Variants in SLC41A2 observed in about 807,000 individuals in gnomAD.
SLC41A2 encodes the protein SLC41A1-like 1.
SLC41A2 carries 32 observed loss-of-function variants against 58.3 expected under a neutral mutation model. That is an observed-to-expected ratio of 0.55 (90% CI 0.41 to 0.74). The LOEUF (loss-of-function observed/expected upper bound fraction) is 0.74, where lower values mean the gene tolerates loss of function less well. SLC41A2 is among the 30% of genes least tolerant of loss of function. SLC41A2 has a pLI of 0.00. For synonymous variants in SLC41A2, 190 were observed against 235.0 expected (o/e 0.81, Z 1.75); for missense variants, 514 against 680.6 (o/e 0.76, Z 2.72).
intron 1 of SLC41A2, among the ~76,000 whole-genome samples, chr12:104,937,511 T>C (rs1225116937): frequency 6.6e-6 from 1 of 152,238 alleles, no homozygotes; most frequent in Non-Finnish European, 1.5e-5. Flanking sequence ...CGATAGGCCA[T>C]ACCACACAGC....
intron 1 of SLC41A2, among the ~76,000 whole-genome samples, chr12:104,942,248 G>A (rs2047540645): frequency 6.6e-6 from 1 of 152,116 alleles, no homozygotes; most frequent in African/African-American, 2.4e-5. Context: ...GGAGGCCGAG[G>A]CAGGTGGATC....
At chr12:104,826,182 C>A (rs1466116208) in intron 10 of SLC41A2, among the ~76,000 whole-genome samples, 2 of 152,164 alleles carry the variant, frequency 1.3e-5, no homozygotes, top group Non-Finnish European at 2.9e-5. Context: ...TATCCTGAAC[C>A]ATTGGGACTG....
At chr12:104,836,365 C>A (rs1272538252) in intron 10 of SLC41A2, among the ~76,000 whole-genome samples, 1 of 152,112 alleles carries the variant, frequency 6.6e-6, no homozygotes, top group African/African-American at 2.4e-5. Flanking sequence ...AAATACTATA[C>A]AAATATTTGC....
intron 2 of SLC41A2, among the ~76,000 whole-genome samples, chr12:104,918,438 G>A (rs10778358): frequency 0.71 from 107,773 of 151,904 alleles, 38,850 homozygotes; most frequent in African/African-American, 0.84. Flanking sequence ...ATACATCCTT[G>A]TATTAGTGCA....
chr12:104,892,444 A>G (rs1056068841), intron 4 of SLC41A2, among the ~76,000 whole-genome samples: 10 of 152,202 alleles, frequency 6.6e-5, no homozygotes, highest in African/African-American at 2.4e-4. Context: ...AAAGCAATCT[A>G]CAGATTCAAT....
chr12:104,886,455 T>G lies in SLC41A2; in HGVS notation c.881-16A>C, dbSNP rs565918924. 5 of 1,609,216 alleles carry G rather than the reference T, an allele frequency of 3.1e-6. No individual in the cohort carries two copies. In the South Asian group the frequency reaches 3.3e-5, roughly 11 times the overall value. ...ATTATTATTCCTAGAAGAAAGAATG[T>G]TCATTACTTTTTAGGCTATGATTTA... is the stretch of plus-strand genomic sequence containing the variant. On this transcript the variant is annotated splice_polypyrimidine_tract_variant and intron_variant, in intron 5 of 10. Coordinates refer to ENST00000258538, the MANE Select transcript of SLC41A2 (RefSeq NM_001352171.3).
At chr12:104,902,681 A>C (rs1465236296) in intron 3 of SLC41A2, among the ~76,000 whole-genome samples, 1 of 152,194 alleles carries the variant, frequency 6.6e-6, no homozygotes, top group Non-Finnish European at 1.5e-5. Flanking sequence ...ACTAACAAGC[A>C]GCGGTGAAAG....
intron 5 of SLC41A2, 55 bp from the exon 6 acceptor site, chr12:104,886,494 C>A: frequency 6.4e-7 from 1 of 1,555,032 alleles, no homozygotes; most frequent in African/African-American, 1.4e-5. Context: ...AAAATCAATC[C>A]CCCAAATACC....
intron 3 of SLC41A2, among the ~76,000 whole-genome samples, chr12:104,901,497 A>G (rs1242676494): frequency 6.6e-6 from 1 of 152,054 alleles, no homozygotes; most frequent in Admixed American, 6.6e-5. Context: ...GTTGATTTGG[A>G]TACATCATTT....
chr12:104,909,476 G>A (rs1014911782), intron 3 of SLC41A2, among the ~76,000 whole-genome samples, 179 bp downstream of exon 3: 3 of 152,248 alleles, frequency 2.0e-5, no homozygotes, highest in African/African-American at 7.2e-5. Context: ...GGATAAAAGA[G>A]GGCCTATAAT....
intron 4 of SLC41A2, among the ~76,000 whole-genome samples, chr12:104,890,806 C>G (rs898183861): frequency 6.6e-6 from 1 of 152,152 alleles, no homozygotes; most frequent in Non-Finnish European, 1.5e-5. Context: ...GTATTTGGTC[C>G]AGAAGACCAT....
chr12:104,817,444 CTTTAT>C (rs927477380), intron 10 of SLC41A2, among the ~76,000 whole-genome samples: 2 of 152,074 alleles, frequency 1.3e-5, no homozygotes, highest in Admixed American at 1.3e-4. Context: ...AGTAACTTTA[CTTTAT>C]AAATTTTTTA....
intron 10 of SLC41A2, among the ~76,000 whole-genome samples, chr12:104,826,953 C>G (rs531913097): frequency 6.6e-6 from 1 of 152,228 alleles, no homozygotes; most frequent in East Asian, 1.9e-4. Flanking sequence ...GAAGCAGTAC[C>G]AGTGTATGAC....
At chr12:104,840,924 T>C (rs1192665906) in intron 10 of SLC41A2, among the ~76,000 whole-genome samples, 1 of 152,164 alleles carries the variant, frequency 6.6e-6, no homozygotes, top group Non-Finnish European at 1.5e-5. Context: ...GAAATACCCA[T>C]TCAGCTACAA....
intron 8 of SLC41A2, among the ~76,000 whole-genome samples, chr12:104,860,062 T>G (rs778205654): frequency 6.6e-6 from 1 of 152,114 alleles, no homozygotes; most frequent in Admixed American, 6.6e-5. Context: ...TCTTTTTACA[T>G]AGATATGCAA....
In SLC41A2 at chr12:104,847,462, T is replaced by C. The variant is rs887956588; in HGVS notation, c.1256-1488A>G. On this transcript the variant is annotated intron_variant, in intron 8 of 10. Coordinates refer to ENST00000258538, the MANE Select transcript of SLC41A2 (RefSeq NM_001352171.3). ...ACTAAAAAAAATACAAAAACTAGCTTGGTGTGGTGGCGCGTGCCTGTAATC... is the reference window on the plus strand; with the variant it reads ...ACTAAAAAAAATACAAAAACTAGCTCGGTGTGGTGGCGCGTGCCTGTAATC... Among the ~76,000 whole-genome samples the C allele has an allele frequency of 3.3e-5, 5 of 151,434 alleles. No homozygotes were observed. The East Asian group carries it at 9.7e-4, about 29-fold the overall frequency.
At chr12:104,880,367 TGA>T (rs2044299483) in intron 6 of SLC41A2, among the ~76,000 whole-genome samples, 1 of 152,160 alleles carries the variant, frequency 6.6e-6, no homozygotes. Flanking sequence ...ATAGGAGTGG[TGA>T]GAGAGGGCAT....
chr12:104,809,883 C>A (rs1467136399), intron 10 of SLC41A2, among the ~76,000 whole-genome samples: 1 of 152,134 alleles, frequency 6.6e-6, no homozygotes, highest in Admixed American at 6.5e-5. Flanking sequence ...CCCCAGTGAG[C>A]CAGGCCACAT....
rs369963645 is a variant in SLC41A2, at chr12:104,895,317, A to G, written c.692T>C (p.Ile231Thr). 3.7e-6 allele frequency: 6 copies of G among 1,613,018 alleles called. No homozygotes were observed. The highest frequency in any genetic ancestry group is 2.2e-5 in the East Asian group (1 of 44,768). Residue 231 changes from isoleucine (I) to threonine (T), a missense_variant, in exon 4 of 11, where the codon ATT (isoleucine) becomes ACT (threonine). By Grantham distance (89) the Ile-to-Thr change is moderately conservative. Coordinates refer to ENST00000258538, the MANE Select transcript of SLC41A2 (RefSeq NM_001352171.3). Reference protein sequence around the residue: ...AVNIGKMDSPIEKWNLIIGNL... With the variant: ...AVNIGKMDSPTEKWNLIIGNL... ...GCCAATTATTAGGTTCCACTTTTCA[A>G]TGGGTGAATCCATCTTCCCAATATT...
Sources: gnomAD v4.1 joint callset for allele counts (sites outside exome capture counted in the v4.1 genomes callset) on GRCh38, gnomAD v4.1.1 for gene constraint, MANE v1.5 for transcripts, NCBI Gene and HGNC (gene_info 2026-07-23, HGNC 2026-07-21) for gene names.